SEMA3A: variants seen among roughly 807,000 people sequenced by gnomAD.
SEMA3A encodes the protein semaphorin-3A.
A neutral mutation model predicts 97.9 loss-of-function variants in SEMA3A; 29 were observed. The ratio of observed to expected loss-of-function variants is 0.30; its 90% CI spans 0.22 to 0.40. The LOEUF is 0.40. Among genes scored for constraint, SEMA3A ranks in the 10% least tolerant of loss-of-function variants. SEMA3A has a pLI of 1.00. For synonymous variants in SEMA3A, 321 were observed against 323.7 expected (o/e 0.99, Z 0.09); for missense variants, 763 against 951.3 (o/e 0.80, Z 2.60).
At chr7:84,385,163 G>GA (rs1803366896) in intron 1 of SEMA3A, among the ~76,000 whole-genome samples, 1 of 152,014 alleles carries the variant, frequency 6.6e-6, no homozygotes, top group Non-Finnish European at 1.5e-5. Context: ...AAGAGTGAGA[G>GA]GCATGTAGAA....
intron 2 of SEMA3A, among the ~76,000 whole-genome samples, chr7:84,347,344 A>G (rs1802324359): frequency 6.6e-6 from 1 of 152,180 alleles, no homozygotes. Flanking sequence ...TGATATATTC[A>G]TAAAATGAGG....
intron 1 of SEMA3A, among the ~76,000 whole-genome samples, chr7:84,406,276 G>T (rs150668338): frequency 0.18 from 26,898 of 151,880 alleles, 2,521 homozygotes; most frequent in Middle Eastern, 0.22. Context: ...AACACCTCTA[G>T]GCAAATAAAC....
intron 1 of SEMA3A, among the ~76,000 whole-genome samples, chr7:84,420,587 C>T (rs1166309807): frequency 3.6e-4 from 54 of 151,972 alleles, no homozygotes; most frequent in African/African-American, 1.2e-3. Flanking sequence ...AAAAACTTTT[C>T]TTATTTGATA....
intron 4 of SEMA3A, among the ~76,000 whole-genome samples, chr7:84,096,001 A>T (rs560854801): frequency 1.3e-4 from 20 of 152,212 alleles, no homozygotes; most frequent in Admixed American, 9.2e-4. Flanking sequence ...CAATTTATGC[A>T]TGAAGAGGTC....
At chr7:84,415,225 A>C (rs1804399845) in intron 1 of SEMA3A, among the ~76,000 whole-genome samples, 1 of 152,078 alleles carries the variant, frequency 6.6e-6, no homozygotes, top group Admixed American at 6.6e-5. Flanking sequence ...TTATTTCATA[A>C]ATCTGTGTTA....
At chr7:84,037,021 T>C (rs1791963570) in intron 6 of SEMA3A, among the ~76,000 whole-genome samples, 1 of 152,142 alleles carries the variant, frequency 6.6e-6, no homozygotes, top group Non-Finnish European at 1.5e-5. Context: ...ACATGTTTAA[T>C]ATAATCAAGT....
chr7:83,992,469 T>G (rs1226988893), intron 12 of SEMA3A, among the ~76,000 whole-genome samples: 1 of 151,352 alleles, frequency 6.6e-6, no homozygotes, highest in Non-Finnish European at 1.5e-5. Flanking sequence ...GCTATAAATT[T>G]CCCTCTACAC....
At chr7:84,007,672 G>T (rs955447274) in intron 9 of SEMA3A, among the ~76,000 whole-genome samples, 175 bp from the exon 10 acceptor site, 1 of 151,906 alleles carries the variant, frequency 6.6e-6, no homozygotes, top group Admixed American at 6.6e-5. Context: ...ATACACAAAA[G>T]AACAAAAAAT....
intron 14 of SEMA3A, among the ~76,000 whole-genome samples, chr7:83,980,623 A>AAAAAAAAAATAT (rs1310318006): frequency 1.5e-3 from 111 of 71,650 alleles, no homozygotes; most frequent in Non-Finnish European, 2.2e-3. Context: ...AAAAAAAAAA[A>AAAAAAAAAATAT]ATATATATAT....
intron 3 of SEMA3A, among the ~76,000 whole-genome samples, chr7:84,236,707 A>T (rs1799242953): frequency 1.3e-5 from 2 of 152,148 alleles, no homozygotes; most frequent in Non-Finnish European, 1.5e-5. Context: ...ACAGGTAATT[A>T]TTGATTTTGC....
chr7:84,166,847 C>CCTGGA lies in SEMA3A; in HGVS notation c.112+27623_112+27627dup, dbSNP rs566655243. 2.8e-3 allele frequency among the ~76,000 whole-genome samples: 400 copies of CCTGGA among 140,414 alleles called. 3 individuals are homozygous for CCTGGA. The highest frequency in any genetic ancestry group is 0.01 in the African/African-American group (386 of 37,462). 92.1% of individuals were successfully genotyped at this position (140,414 alleles called of 152,430 possible). A position where few individuals can be genotyped will look rare whatever the true frequency, so the allele number is the denominator to read the frequency against. ...CCGAGATTGCACCACTGCACTCCTG[C>CCTGGA]CTGGACGACAGAGTGAAACTCTGTC... On this transcript the variant is annotated intron_variant, in intron 1 of 16. Coordinates refer to ENST00000265362, the MANE Select transcript of SEMA3A (RefSeq NM_006080.3).
chr7:84,415,146 G>T (rs1804397492), intron 1 of SEMA3A, among the ~76,000 whole-genome samples: 1 of 152,062 alleles, frequency 6.6e-6, no homozygotes, highest in Non-Finnish European at 1.5e-5. Context: ...TGTAGCTGTA[G>T]AGTTGTTGTT....
chr7:84,342,034 G>C (rs1027469849), intron 2 of SEMA3A, among the ~76,000 whole-genome samples: 1 of 151,446 alleles, frequency 6.6e-6, no homozygotes, highest in Non-Finnish European at 1.5e-5. Context: ...TTTGTTCCTT[G>C]TCACTAATTT....
chr7:84,243,076 C>T (rs180915357), intron 3 of SEMA3A, among the ~76,000 whole-genome samples: 15 of 152,220 alleles, frequency 9.9e-5, no homozygotes, highest in East Asian at 3.9e-4. Flanking sequence ...ATTTTCATAT[C>T]GATGTTCATC....
intron 3 of SEMA3A, among the ~76,000 whole-genome samples, chr7:84,200,585 G>T (rs770165270): frequency 3.3e-5 from 5 of 151,928 alleles, no homozygotes; most frequent in Non-Finnish European, 5.9e-5. Flanking sequence ...TCACTTCTAT[G>T]GTCTCTCTTT....
chr7:84,458,433 G>A (rs904144933), intron 1 of SEMA3A, among the ~76,000 whole-genome samples: 1 of 149,584 alleles, frequency 6.7e-6, no homozygotes, highest in African/African-American at 2.5e-5. Context: ...TTTAACTATT[G>A]TGGCTATTTA....
rs536025407 is a variant in SEMA3A at position 83,965,806 on chromosome 7, A to G, written c.1718-2459T>C. On this transcript the variant is annotated intron_variant, in intron 15 of 16. Transcript: ENST00000265362. The stretch of plus-strand genomic sequence containing the variant: ...TGCCATTCTCCTGCCTCAGCCTCCC[A>G]AGTAGCTGGGACTACAGGTGCCTGC... Among the ~76,000 whole-genome samples the G allele has an allele frequency of 8.2e-3, 1,179 of 143,682 alleles. 17 individuals carry two copies. Among genetic ancestry groups the G allele is most frequent in the African/African-American group, 0.029 (1,119 of 38,752 alleles). 94.3% of individuals were successfully genotyped at this position (143,682 alleles called of 152,430 possible). A position where few individuals can be genotyped will look rare whatever the true frequency, so the allele number is the denominator to read the frequency against.
chr7:83,999,367 T>C (rs28578389), intron 12 of SEMA3A, among the ~76,000 whole-genome samples: 1 of 151,920 alleles, frequency 6.6e-6, no homozygotes, highest in East Asian at 1.9e-4. Context: ...ATATAAATAA[T>C]AAAAATTCAC....
At chr7:84,241,507 G>C (rs896273474) in intron 3 of SEMA3A, among the ~76,000 whole-genome samples, 9 of 151,922 alleles carry the variant, frequency 5.9e-5, no homozygotes, top group Non-Finnish European at 8.8e-5. Context: ...GGATATTAAG[G>C]CTTTGTCAGA....
Sources: gnomAD v4.1 joint callset for allele counts (sites outside exome capture counted in the v4.1 genomes callset) on GRCh38, gnomAD v4.1.1 for gene constraint, MANE v1.5 for transcripts, NCBI Gene and HGNC (gene_info 2026-07-23, HGNC 2026-07-21) for gene names.